The following AGFG2 variants were observed in gnomAD, a reference collection of about 807,000 sequenced individuals.
The protein encoded by AGFG2 is ArfGAP with FG repeats 2, also known as arf-GAP domain and FG repeat-containing protein 2.
Under a neutral mutation model 48.0 loss-of-function variants are expected in AGFG2, and 31 were observed. The ratio of observed to expected loss-of-function variants is 0.65; its 90% CI spans 0.49 to 0.87. The LOEUF (loss-of-function observed/expected upper bound fraction) is 0.87, where lower values mean the gene tolerates loss of function less well. Among genes scored for constraint, AGFG2 ranks in the 40% least tolerant of loss-of-function variants. The probability of loss-of-function intolerance (pLI) is 0.00; values close to 1 mark genes in which losing one functional copy is unlikely to be tolerated. For missense variants in AGFG2, 599 were observed against 632.6 expected, an observed-to-expected ratio of 0.95 and a Z score of 0.57; for synonymous variants, 229 against 260.8, an observed-to-expected ratio of 0.88 and a Z score of 1.18.
At chr7:100,546,852 C>A (rs1202875653) in intron 1 of AGFG2, among the ~76,000 whole-genome samples, 1 of 152,140 alleles carries the variant, frequency 6.6e-6, no homozygotes, top group Non-Finnish European at 1.5e-5. Flanking sequence ...GAAATGTGAT[C>A]GGAAGACAGT....
intron 3 of AGFG2, among the ~76,000 whole-genome samples, chr7:100,552,937 C>T (rs1476932520): frequency 1.3e-5 from 2 of 152,096 alleles, no homozygotes; most frequent in Admixed American, 6.5e-5. Context: ...TCACCTGAGG[C>T]CAAGAGGTTG....
rs1038117372 is a variant in AGFG2 at position 100,565,276 on chromosome 7, C to A, written c.*285C>A. The A allele has an allele frequency of 5.8e-6, 3 of 515,712 alleles. No individual in the cohort carries two copies. The highest frequency in any genetic ancestry group is 7.1e-6 in the Non-Finnish European group (2 of 283,522). 31.9% of individuals were successfully genotyped at this position (515,712 alleles called of 1,614,324 possible). On this transcript the variant is annotated 3_prime_UTR_variant, in exon 12 of 12. Transcript: ENST00000300176. Reference sequence around the variant, plus strand: ...GGGGGAGGGATTTTTTTCAAATGATCAGTCCCCTGTGGAACAGCTCTTCCC... The same window carrying A: ...GGGGGAGGGATTTTTTTCAAATGATAAGTCCCCTGTGGAACAGCTCTTCCC...
chr7:100,545,792 G>T (rs1453052530), intron 1 of AGFG2, among the ~76,000 whole-genome samples: 1 of 152,200 alleles, frequency 6.6e-6, no homozygotes, highest in African/African-American at 2.4e-5. Context: ...TGACCCTGGT[G>T]TGTACCCAGT....
chr7:100,563,447 G>C (rs536339330), intron 9 of AGFG2, among the ~76,000 whole-genome samples: 4 of 152,202 alleles, frequency 2.6e-5, no homozygotes, highest in Non-Finnish European at 5.9e-5. Context: ...CTGTGTGGTG[G>C]GCCCAGTGCT....
chr7:100,557,058 C>T (rs953409882), intron 6 of AGFG2, among the ~76,000 whole-genome samples: 2 of 151,940 alleles, frequency 1.3e-5, no homozygotes, highest in Non-Finnish European at 2.9e-5. Context: ...ATTAGCTGGG[C>T]ATGGTGGCAG....
In AGFG2 at chr7:100,562,853, A is replaced by C; in HGVS notation, c.1088-10A>C. On this transcript the variant is annotated splice_polypyrimidine_tract_variant and intron_variant, in intron 8 of 11. Coordinates refer to ENST00000300176, the MANE Select transcript of AGFG2 (RefSeq NM_006076.5). This position sits in a 1 kb window ranked among gnomAD's most constrained non-coding sequence, Gnocchi z 5.4. Reference sequence around the variant, plus strand: ...TCTCTTTCCTGCCGCTCCCCATTCCACCTGGGCAGCCTTCACTAACCCTTT... The same window carrying C: ...TCTCTTTCCTGCCGCTCCCCATTCCCCCTGGGCAGCCTTCACTAACCCTTT... The C allele has an allele frequency of 2.5e-6, 4 of 1,613,694 alleles. No homozygotes were observed. The highest frequency in any genetic ancestry group is 3.4e-6 in the Non-Finnish European group (4 of 1,179,670).
chr7:100,561,193 C>A (rs896205837), intron 6 of AGFG2, among the ~76,000 whole-genome samples: 17 of 148,332 alleles, frequency 1.1e-4, no homozygotes, highest in Non-Finnish European at 1.9e-4. Context: ...ATGGTGTGAT[C>A]CTAGCTCACT....
Position 100,550,517 on chromosome 7 carries a change from G to T in AGFG2, c.431+6G>T. 6.3e-7 allele frequency: 1 copy of T among 1,590,344 alleles called. No individual in the cohort carries two copies. Among genetic ancestry groups the T allele is most frequent in the African/African-American group, 1.3e-5 (1 of 74,480 alleles). ...AAATATGAGAAGAAGAGATGGTAAGGAGTAGGAAAGAGGTTGCTATGGAAA... is the reference window on the plus strand; with the variant it reads ...AAATATGAGAAGAAGAGATGGTAAGTAGTAGGAAAGAGGTTGCTATGGAAA... On this transcript the variant is annotated splice_donor_region_variant and intron_variant, in intron 3 of 11. Transcript: ENST00000300176.
intron 5 of AGFG2, among the ~76,000 whole-genome samples, chr7:100,555,156 G>A (rs1218840799): frequency 2.0e-5 from 3 of 151,794 alleles, no homozygotes; most frequent in Non-Finnish European, 4.4e-5. Flanking sequence ...AGAACCCTGT[G>A]GAAAGGCAGA....
At chr7:100,561,594 G>T (rs1800873785) in intron 6 of AGFG2, among the ~76,000 whole-genome samples, 3 of 152,202 alleles carry the variant, frequency 2.0e-5, no homozygotes, top group Admixed American at 2.0e-4. Context: ...GAATTTCCAG[G>T]ACTCTTGGCC....
At chr7:100,558,544 TG>T (rs1478848280) in intron 6 of AGFG2, among the ~76,000 whole-genome samples, 153 of 149,644 alleles carry the variant, frequency 1.0e-3, no homozygotes, top group African/African-American at 3.6e-3. Flanking sequence ...TTTTTGTTTT[TG>T]TTTTTTTTTT....
rs541063610 is a variant in AGFG2, at chr7:100,564,455, C to G, written c.1386+152C>G. 8.7e-5 allele frequency: 64 copies of G among 739,184 alleles called. No individual in the cohort carries two copies. The East Asian group carries it at 1.8e-3, about 20-fold the overall frequency. The allele number at this position is 739,184 out of a possible 1,614,324, so 45.8% of individuals were successfully genotyped here. On this transcript the variant is annotated intron_variant, in intron 11 of 11. Coordinates refer to ENST00000300176, the MANE Select transcript of AGFG2 (RefSeq NM_006076.5). The stretch of plus-strand genomic sequence containing the variant: ...CCAGGGCTGAGCTTGGGCCTCAGCT[C>G]TTCTGGGCACTGGCATCTCCCATGC...
intron 1 of AGFG2, among the ~76,000 whole-genome samples, chr7:100,542,925 T>G (rs545793617): frequency 6.6e-6 from 1 of 152,274 alleles, no homozygotes; most frequent in East Asian, 1.9e-4. Context: ...AGTTCCCATT[T>G]TCACGGAGCT....
Position 100,564,304 on chromosome 7 carries a change from G to A in AGFG2, c.1386+1G>A. The A allele has an allele frequency of 6.2e-7, 1 of 1,612,964 alleles. No homozygotes were observed. The highest frequency in any genetic ancestry group is 2.2e-5 in the East Asian group (1 of 44,856). On this transcript the variant is annotated splice_donor_variant, in intron 11 of 11. Coordinates refer to ENST00000300176, the MANE Select transcript of AGFG2 (RefSeq NM_006076.5). LOFTEE classifies it high-confidence loss of function. The stretch of plus-strand genomic sequence containing the variant: ...TGGGATCTCCACCAACCCCTTCATG[G>A]TGAGTGTGCCAGCAGGGGTGCTGTG...
chr7:100,563,736 C>A (rs1250779847), intron 9 of AGFG2, 98 bp from the exon 10 acceptor site: 2 of 1,546,856 alleles, frequency 1.3e-6, no homozygotes, highest in African/African-American at 1.4e-5. Context: ...CAGGAAAAAA[C>A]TATATCCCAT....
At chr7:100,551,885 CAAAAAAAAAAA>C (rs59484677) in intron 3 of AGFG2, among the ~76,000 whole-genome samples, 13 of 16,858 alleles carry the variant, frequency 7.7e-4, no homozygotes, top group African/African-American at 2.8e-3. Flanking sequence ...GAGACTGTCT[CAAAAAAAAAAA>C]AAAAAAAAAA....
At chr7:100,550,282 G>C (rs188843160) in intron 2 of AGFG2, 114 bp from the exon 3 acceptor site, 1 of 725,522 alleles carries the variant, frequency 1.4e-6, no homozygotes, top group Admixed American at 2.6e-5. Flanking sequence ...ACTCCAGCCC[G>C]GCGACAGAGC....
At chr7:100,545,663 A>T (rs545177388) in intron 1 of AGFG2, among the ~76,000 whole-genome samples, 2 of 152,252 alleles carry the variant, frequency 1.3e-5, no homozygotes, top group South Asian at 4.1e-4. Flanking sequence ...TACCAGAATG[A>T]ATTTGCTGTG....
At chr7:100,542,847 A>G (rs1487663156) in intron 1 of AGFG2, among the ~76,000 whole-genome samples, 1 of 152,210 alleles carries the variant, frequency 6.6e-6, no homozygotes, top group Non-Finnish European at 1.5e-5. Context: ...CGGTCAGTCA[A>G]CACGAACTTA....
Sources: allele counts gnomAD v4.1 joint callset (sites outside exome capture counted in the v4.1 genomes callset), GRCh38; gene constraint gnomAD v4.1.1; non-coding constraint Gnocchi (gnomAD v3.1); transcripts MANE v1.5; gene names NCBI Gene and HGNC (gene_info 2026-07-23, HGNC 2026-07-21).